Variants in UGT2B10 observed in about 807,000 individuals in gnomAD.
UGT2B10 encodes the protein UDP glucuronosyltransferase family 2 member B10, also known as UDP-glucuronosyltransferase 2B10.
In UGT2B10, 51 loss-of-function variants were observed where a neutral mutation model predicts 43.7. That is an observed-to-expected ratio of 1.17 (90% CI 0.93 to 1.47). The LOEUF is 1.47. Ranked by LOEUF, UGT2B10 falls within the 40% of genes most tolerant of loss-of-function variation. UGT2B10 has a pLI of 0.00. For missense variants in UGT2B10, 696 were observed against 617.7 expected (o/e 1.13, Z -1.34); for synonymous variants, 225 against 209.0 (o/e 1.08, Z -0.66).
Position 68,816,186 on chromosome 4 carries a change from C to A in UGT2B10, c.167C>A (p.Ala56Glu), listed in dbSNP as rs376414056. 167 of 1,613,172 alleles carry A rather than the reference C, an allele frequency of 1.0e-4. No homozygotes were observed. Among genetic ancestry groups the A allele is most frequent in the Middle Eastern group, 4.9e-4 (3 of 6,070 alleles). The change falls in exon 1 of 6, where the codon GCA becomes GAA. Residue 56 changes from alanine to glutamate, a missense_variant. Ala to Glu is a moderately radical substitution (Grantham distance 107). Coordinates refer to ENST00000265403, the MANE Select transcript of UGT2B10 (RefSeq NM_001075.6). Reference protein sequence around the residue: ...VQRGHEVTVLASSASILFDPN... With the variant: ...VQRGHEVTVLESSASILFDPN... ...AGAGGTCATGAGGTGACTGTACTGGCATCTTCAGCTTCCATTCTTTTTGAT... is the reference window on the plus strand; with the variant it reads ...AGAGGTCATGAGGTGACTGTACTGGAATCTTCAGCTTCCATTCTTTTTGAT...
At chr4:68,825,973 C>A (rs1737751512) in intron 3 of UGT2B10, among the ~76,000 whole-genome samples, 1 of 151,980 alleles carries the variant, frequency 6.6e-6, no homozygotes, top group Admixed American at 6.6e-5. Context: ...ATAAGCATTC[C>A]TTTTCTATAC....
At chr4:68,829,505 A>G (rs1356892647) in intron 5 of UGT2B10, among the ~76,000 whole-genome samples, 2 of 152,058 alleles carry the variant, frequency 1.3e-5, no homozygotes, top group Non-Finnish European at 2.9e-5. Flanking sequence ...TTAAATATAT[A>G]TTTTATGAGA....
chr4:68,819,914 A>G (rs986147082), intron 2 of UGT2B10, among the ~76,000 whole-genome samples: 1 of 152,102 alleles, frequency 6.6e-6, no homozygotes, highest in Non-Finnish European at 1.5e-5. Flanking sequence ...ATCTCTTAAA[A>G]GATCATTTTT....
chr4:68,828,302 G>A (rs548105116), intron 5 of UGT2B10, among the ~76,000 whole-genome samples: 1 of 150,404 alleles, frequency 6.6e-6, no homozygotes, highest in Non-Finnish European at 1.5e-5. Flanking sequence ...GTCGTTGTGT[G>A]TTTTAATATT....
At chr4:68,817,995 G>A (rs1453020698) in intron 1 of UGT2B10, 34 bp from the exon 2 acceptor site, 1 of 1,590,186 alleles carries the variant, frequency 6.3e-7, no homozygotes, top group Non-Finnish European at 8.5e-7. Context: ...ATTATCTTAT[G>A]TCATCCACTT....
In UGT2B10 at chr4:68,830,749, A is replaced by G. The variant is rs191002100; in HGVS notation, c.1457A>G (p.Gln486Arg). Residue 486 changes from glutamine (Q) to arginine (R), a missense_variant, in exon 6 of 6, where the codon CAG becomes CGG. Gln to Arg is a conservative substitution (Grantham distance 43). Transcript: ENST00000265403. ...GCAGCCCACAACCTCACCTGGTTCC[A>G]GTACCACTCTTTGGATGTGATTGGG... ...RVAAHNLTWF[Q>R]YHSLDVIGFL... The G allele has an allele frequency of 4.6e-3, 7,353 of 1,613,464 alleles. 265 individuals carry two copies. The South Asian group carries it at 0.061, about 13-fold the overall frequency.
intron 3 of UGT2B10, among the ~76,000 whole-genome samples, chr4:68,823,832 G>T (rs990285454): frequency 3.9e-5 from 6 of 151,996 alleles, no homozygotes; most frequent in African/African-American, 9.7e-5. Context: ...GTTTTTCATT[G>T]ATAATAAGTT....
rs1360316919 is a variant in UGT2B10, at chr4:68,830,886, C to T, written c.*7C>T. 6.2e-7 allele frequency: 1 copy of T among 1,610,712 alleles called. No homozygotes were observed. The highest frequency in any genetic ancestry group is 8.5e-7 in the Non-Finnish European group (1 of 1,178,542). On this transcript the variant is annotated 3_prime_UTR_variant, in exon 6 of 6. Transcript: ENST00000265403. ...GAAGGGAAAAAGGGATTAGTTATATCTGAGATTTGAAGCTGGAAAACCTGA... is the reference window on the plus strand; with the variant it reads ...GAAGGGAAAAAGGGATTAGTTATATTTGAGATTTGAAGCTGGAAAACCTGA...
chr4:68,816,335 T>C lies in UGT2B10; in HGVS notation c.316T>C (p.Leu106=), dbSNP rs773159153. Residue 106 remains leucine (L), a synonymous_variant, in exon 1 of 6, where the codon TTA becomes CTA. Transcript: ENST00000265403. ...LSEIQKDTFW[L]PFSQEQEILW... ...AGAAATTCAAAAAGATACATTTTGG[T>C]TACCTTTTTCACAAGAACAAGAAAT... 6.2e-7 allele frequency: 1 copy of C among 1,613,150 alleles called. No homozygotes were observed. The highest frequency in any genetic ancestry group is 1.1e-5 in the South Asian group (1 of 91,056).
chr4:68,826,011 G>T (rs1211662338), intron 3 of UGT2B10, among the ~76,000 whole-genome samples: 1 of 151,882 alleles, frequency 6.6e-6, no homozygotes, highest in Non-Finnish European at 1.5e-5. Context: ...GATATTTTTT[G>T]AGTTTTTAAT....
At chr4:68,818,420 C>G (rs1048235031) in intron 2 of UGT2B10, among the ~76,000 whole-genome samples, 2 of 151,610 alleles carry the variant, frequency 1.3e-5, no homozygotes, top group African/African-American at 4.8e-5. Context: ...AAATTAAAGT[C>G]TTGATTATGC....
chr4:68,830,160 T>C (rs1012381829), intron 5 of UGT2B10, among the ~76,000 whole-genome samples: 2 of 152,102 alleles, frequency 1.3e-5, no homozygotes, highest in African/African-American at 2.4e-5. Context: ...TTAGAACTAA[T>C]AGTGTAATGT....
chr4:68,831,061 T>A lies in UGT2B10; in HGVS notation c.*182T>A. The A allele has an allele frequency of 6.6e-6, 5 of 752,522 alleles. No individual in the cohort carries two copies. The allele number at this position is 752,522 out of a possible 1,614,324, so 46.6% of individuals were successfully genotyped here. A position where few individuals can be genotyped will look rare whatever the true frequency, so the allele number is the denominator to read the frequency against. ...TTACCACCCAGTTAATGGTTAGAAA[T>A]ATTCTGTGGCAATGAAGAAAACACT... On this transcript the variant is annotated 3_prime_UTR_variant, in exon 6 of 6. Transcript: ENST00000265403.
chr4:68,821,590 A>T (rs1044234967), intron 2 of UGT2B10, among the ~76,000 whole-genome samples: 24 of 152,190 alleles, frequency 1.6e-4, no homozygotes, highest in African/African-American at 5.8e-4. Flanking sequence ...GACTCTAAGG[A>T]CTGATTCATA....
intron 5 of UGT2B10, among the ~76,000 whole-genome samples, chr4:68,830,083 A>G (rs1321198937): frequency 6.6e-6 from 1 of 152,052 alleles, no homozygotes; most frequent in Non-Finnish European, 1.5e-5. Context: ...CTCAGATTGC[A>G]TTTTCACATC....
chr4:68,830,897 A>G lies in UGT2B10; in HGVS notation c.*18A>G. 1 of 1,609,284 alleles carries G rather than the reference A, an allele frequency of 6.2e-7. No individual in the cohort carries two copies. Among genetic ancestry groups the G allele is most frequent in the Non-Finnish European group, 8.5e-7 (1 of 1,177,766 alleles). ...GGGATTAGTTATATCTGAGATTTGA[A>G]GCTGGAAAACCTGATAGATAGGAAT... is the stretch of plus-strand genomic sequence containing the variant. On this transcript the variant is annotated 3_prime_UTR_variant, in exon 6 of 6. Transcript: ENST00000265403.
At chr4:68,825,656 C>G (rs1465935325) in intron 3 of UGT2B10, among the ~76,000 whole-genome samples, 1 of 152,000 alleles carries the variant, frequency 6.6e-6, no homozygotes, top group Non-Finnish European at 1.5e-5. Flanking sequence ...CTTATCCCTG[C>G]AAAATACATA....
At chr4:68,825,256 T>TA (rs71204045) in intron 3 of UGT2B10, among the ~76,000 whole-genome samples, 9 of 151,500 alleles carry the variant, frequency 5.9e-5, no homozygotes, top group African/African-American at 1.2e-4. Context: ...TTACTTTTTT[T>TA]ATACCAGAAT....
rs369285560 is a variant in UGT2B10 at position 68,822,289 on chromosome 4, C to T, written c.886C>T (p.Gln296Ter). The T allele has an allele frequency of 3.0e-5, 48 of 1,612,494 alleles. No individual in the cohort carries two copies. The highest frequency in any genetic ancestry group is 3.6e-5 in the Non-Finnish European group (42 of 1,179,758). Reference protein sequence around the residue: ...PLPKEMEEFVQSSGENGVVVF... With the variant: ...PLPKEMEEFV ...CCCACAGGAAATGGAGGAGTTTGTA[C>T]AGAGCTCTGGAGAAAATGGTGTTGT... Residue 296 changes from glutamine to a stop codon, truncating the protein, a stop_gained, in exon 3 of 6, where the codon CAG becomes TAG. Transcript: ENST00000265403. LOFTEE classifies it high-confidence loss of function.
Sources: allele counts gnomAD v4.1 joint callset (sites outside exome capture counted in the v4.1 genomes callset), GRCh38; gene constraint gnomAD v4.1.1; transcripts MANE v1.5; gene names NCBI Gene and HGNC (gene_info 2026-07-23, HGNC 2026-07-21).